Variants in INSR observed in about 807,000 individuals in gnomAD.
The protein encoded by INSR is IR.
INSR carries 67 observed loss-of-function variants against 142.6 expected under a neutral mutation model. The observed-to-expected ratio is 0.47, with a 90% CI of 0.39 to 0.58. The LOEUF (loss-of-function observed/expected upper bound fraction) is 0.58. Ranked by LOEUF, INSR falls within the 20% of genes least tolerant of loss-of-function variation. INSR has a pLI of 0.00. For missense variants in INSR, 1,248 were observed against 1,833.2 expected (o/e 0.68, Z 5.83); for synonymous variants, 756 against 743.1 (o/e 1.02, Z -0.28).
Position 7,125,600 on chromosome 19 carries a change from C to T in INSR, c.3014-73G>A, listed in dbSNP as rs758508500. 5.7e-6 allele frequency: 9 copies of T among 1,591,034 alleles called. No individual in the cohort carries two copies. Among genetic ancestry groups the T allele is most frequent in the South Asian group, 1.1e-5 (1 of 90,316 alleles). On this transcript the variant is annotated intron_variant, in intron 16 of 21. Transcript: ENST00000302850. This position sits in a 1 kb window ranked among gnomAD's most constrained non-coding sequence, Gnocchi z 4.9. The stretch of plus-strand genomic sequence containing the variant: ...TCTGCAGCCACCTTCCACCCAAGCC[C>T]TCACCCAAACCCCCTCGAAAACACT...
At chr19:7,266,891 T>C (rs1309710657) in intron 2 of INSR, among the ~76,000 whole-genome samples, 1 of 152,136 alleles carries the variant, frequency 6.6e-6, no homozygotes, top group Admixed American at 6.5e-5. Context: ...ACTTCTATAA[T>C]CAGATAAGAA....
At chr19:7,162,815 C>T (rs1382834649) in intron 9 of INSR, among the ~76,000 whole-genome samples, 1 of 151,788 alleles carries the variant, frequency 6.6e-6, no homozygotes, top group Non-Finnish European at 1.5e-5. Context: ...AGTGAAACTC[C>T]ATCTCAAAAA....
intron 2 of INSR, among the ~76,000 whole-genome samples, chr19:7,252,126 T>G (rs1228805603): frequency 1.3e-5 from 2 of 151,732 alleles, no homozygotes; most frequent in African/African-American, 4.8e-5. Context: ...ATACAAAAAT[T>G]TGCCAGTGCG....
chr19:7,275,110 G>A (rs1348397058), intron 1 of INSR, among the ~76,000 whole-genome samples: 1 of 151,918 alleles, frequency 6.6e-6, no homozygotes, highest in Non-Finnish European at 1.5e-5. Flanking sequence ...CGAGTAGTTG[G>A]TATTACAGGC....
chr19:7,209,974 G>A (rs1211862912), intron 2 of INSR, among the ~76,000 whole-genome samples: 1 of 152,130 alleles, frequency 6.6e-6, no homozygotes, highest in African/African-American at 2.4e-5. Flanking sequence ...GTTGTGGGTT[G>A]AATAAGTAAA....
intron 2 of INSR, among the ~76,000 whole-genome samples, chr19:7,209,056 A>T (rs1030685797): frequency 2.6e-5 from 4 of 152,300 alleles, no homozygotes; most frequent in Non-Finnish European, 5.9e-5. Context: ...GCTACTCAGG[A>T]GGCTGAGGCA....
At chr19:7,197,209 T>A (rs1326433915) in intron 2 of INSR, among the ~76,000 whole-genome samples, 2 of 152,206 alleles carry the variant, frequency 1.3e-5, no homozygotes, top group East Asian at 3.9e-4. Flanking sequence ...GCCTTTGGAA[T>A]AGAACTGCGC....
chr19:7,124,498 C>A, intron 17 of INSR, among the ~76,000 whole-genome samples: 1 of 121,676 alleles, frequency 8.2e-6, no homozygotes, highest in Admixed American at 9.3e-5. Context: ...GAGATTGTGC[C>A]ACTGCACTCC....
At chr19:7,221,231 G>A (rs756952073) in intron 2 of INSR, among the ~76,000 whole-genome samples, 12 of 151,836 alleles carry the variant, frequency 7.9e-5, no homozygotes, top group Non-Finnish European at 1.6e-4. Flanking sequence ...AAAATTAACC[G>A]GCTGTGGTGT....
intron 1 of INSR, among the ~76,000 whole-genome samples, chr19:7,271,879 G>A (rs898284675): frequency 1.3e-5 from 2 of 152,124 alleles, no homozygotes; most frequent in African/African-American, 4.8e-5. Context: ...GAATGCTGGT[G>A]TGTGTCTCTG....
chr19:7,190,368 GGT>G (rs1974545762), intron 2 of INSR, among the ~76,000 whole-genome samples: 1 of 126,186 alleles, frequency 7.9e-6, no homozygotes. Context: ...GTTCTTTGGT[GGT>G]TTTTTTTTTT....
rs1568201959 is a variant in INSR at position 7,225,700 on chromosome 19, C to A, written c.653-41063G>T. 3.0e-5 allele frequency among the ~76,000 whole-genome samples: 1 copy of A among 33,100 alleles called. No individual in the cohort carries two copies. The highest frequency in any genetic ancestry group is 6.6e-5 in the Non-Finnish European group (1 of 15,136). The allele number at this position is 33,100 out of a possible 152,430, so 21.7% of individuals were successfully genotyped here. On this transcript the variant is annotated intron_variant, in intron 2 of 21. Transcript: ENST00000302850. The surrounding 1 kb of genome is among the most constrained non-coding windows in gnomAD (Gnocchi z 4.7). ...GATGATGGGCTCTTGGTTTCCATTT[C>A]CCCCCCCTCAAAAAAAGAGCAGAGA...
intron 12 of INSR, among the ~76,000 whole-genome samples, 179 bp downstream of exon 12, chr19:7,142,637 G>A (rs114076105): frequency 0.014 from 2,149 of 152,088 alleles, 47 homozygotes; most frequent in African/African-American, 0.048. Context: ...AGGCTGGAGT[G>A]AGCTGAGGTC....
At chr19:7,197,344 G>A (rs1026295794) in intron 2 of INSR, among the ~76,000 whole-genome samples, 1 of 152,270 alleles carries the variant, frequency 6.6e-6, no homozygotes, top group Admixed American at 6.5e-5. Context: ...GAGTAAGCGA[G>A]TGAGTGAGTG....
chr19:7,228,066 G>T (rs1295222181), intron 2 of INSR, among the ~76,000 whole-genome samples: 3 of 152,078 alleles, frequency 2.0e-5, no homozygotes, highest in Non-Finnish European at 4.4e-5. Context: ...GCCCCCATGG[G>T]TCCTGCTCCC....
In INSR at chr19:7,150,982, T is replaced by C. The variant is rs1228757829; in HGVS notation, c.2232-450A>G. On this transcript the variant is annotated intron_variant, in intron 10 of 21. Transcript: ENST00000302850. This position sits in a 1 kb window ranked among gnomAD's most constrained non-coding sequence, Gnocchi z 4.2. ...CTTCTTTCCTCTTTTACTTTCTTTC[T>C]CTCTTTTTCCCTCTTTCCTTCCTTC... is the stretch of plus-strand genomic sequence containing the variant. 2.0e-5 allele frequency among the ~76,000 whole-genome samples: 3 copies of C among 151,286 alleles called. No individual in the cohort carries two copies. The highest frequency in any genetic ancestry group is 4.4e-5 in the Non-Finnish European group (3 of 67,762).
At chr19:7,213,849 C>G (rs998026062) in intron 2 of INSR, among the ~76,000 whole-genome samples, 8 of 152,028 alleles carry the variant, frequency 5.3e-5, no homozygotes, top group Non-Finnish European at 1.2e-4. Flanking sequence ...ATTAGCCAGG[C>G]GTGGTGGTGC....
At chr19:7,245,002 C>G (rs1345298111) in intron 2 of INSR, among the ~76,000 whole-genome samples, 1 of 134,604 alleles carries the variant, frequency 7.4e-6, no homozygotes, top group African/African-American at 2.7e-5. Context: ...GTGGCATGAT[C>G]TCGGCTCACT....
At chr19:7,189,508 C>G (rs1444823300) in intron 2 of INSR, among the ~76,000 whole-genome samples, 1 of 152,144 alleles carries the variant, frequency 6.6e-6, no homozygotes, top group East Asian at 1.9e-4. Flanking sequence ...TGAAACTACT[C>G]AACTCTGCCA....
Sources: gnomAD v4.1 joint callset for allele counts (sites outside exome capture counted in the v4.1 genomes callset) on GRCh38, gnomAD v4.1.1 for gene constraint, Gnocchi (gnomAD v3.1) non-coding constraint, MANE v1.5 for transcripts, NCBI Gene and HGNC (gene_info 2026-07-23, HGNC 2026-07-21) for gene names.